PEA15: variants seen among roughly 807,000 people sequenced by gnomAD.
PEA15 encodes the protein proliferation and apoptosis adaptor protein 15.
For missense variants in PEA15, 77 were observed against 161.3 expected (o/e 0.48, Z 2.83); for synonymous variants, 60 against 61.8 (o/e 0.97, Z 0.13).
intron 2 of PEA15, 147 bp from the exon 3 acceptor site, chr1:160,212,963 G>T: frequency 1.4e-6 from 1 of 737,310 alleles, no homozygotes; most frequent in Non-Finnish European, 2.3e-6. Flanking sequence ...TTCTTCTCCT[G>T]GATTAGTAGC....
At position 160,213,127 on chromosome 1, in the gene PEA15, G is replaced by A; in HGVS notation, c.190G>A (p.Glu64Lys). 1 of 1,614,018 alleles carries A rather than the reference G, an allele frequency of 6.2e-7. No homozygotes were observed. The highest frequency in any genetic ancestry group is 8.5e-7 in the Non-Finnish European group (1 of 1,180,008). ...TCCTCCAGACAACCTCTCCTACATT[G>A]AGCACATCTTTGAGATCTCCCGCCG... The part of the protein sequence containing the change: ...KLDKDNLSYI[E>K]HIFEISRRPD... The change falls in exon 3 of 4, where the codon GAG becomes AAG. Residue 64 changes from glutamate (E) to lysine (K), a missense_variant. Physicochemically the swap from Glu to Lys is moderately conservative, Grantham distance 56. Coordinates refer to ENST00000360472, the MANE Select transcript of PEA15 (RefSeq NM_003768.5). The surrounding 1 kb of genome is among the most constrained non-coding windows in gnomAD (Gnocchi z 5.3).
In PEA15 at chr1:160,213,824, G is replaced by A. The variant is rs1047357563; in HGVS notation, c.*338G>A. 3.5e-6 allele frequency: 1 copy of A among 284,186 alleles called. No homozygotes were observed. Among genetic ancestry groups the A allele is most frequent in the African/African-American group, 2.2e-5 (1 of 46,320 alleles). The allele number at this position is 284,186 out of a possible 1,614,324, so 17.6% of individuals were successfully genotyped here. ...CCTCCACTCCCCCCATATCTTTAAAGTGTGGAAGCAGAAAGGACCTGCATT... is the reference window on the plus strand; with the variant it reads ...CCTCCACTCCCCCCATATCTTTAAAATGTGGAAGCAGAAAGGACCTGCATT... On this transcript the variant is annotated 3_prime_UTR_variant, in exon 4 of 4. Coordinates refer to ENST00000360472, the MANE Select transcript of PEA15 (RefSeq NM_003768.5). This position sits in a 1 kb window ranked among gnomAD's most constrained non-coding sequence, Gnocchi z 5.3.
In PEA15 at chr1:160,214,807, C is replaced by T. The variant is rs1655039836; in HGVS notation, c.*1321C>T. The T allele has an allele frequency of 6.6e-6, 1 of 152,564 alleles. No homozygotes were observed. Among genetic ancestry groups the T allele is most frequent in the African/African-American group, 2.4e-5 (1 of 41,426 alleles). 9.5% of individuals were successfully genotyped at this position (152,564 alleles called of 1,614,324 possible). Reference sequence around the variant, plus strand: ...TTAAATTCACATGCAGTCTCAGAGACTATTTAGACAAAGTTCAAGTTAGGA... The same window carrying T: ...TTAAATTCACATGCAGTCTCAGAGATTATTTAGACAAAGTTCAAGTTAGGA... On this transcript the variant is annotated 3_prime_UTR_variant, in exon 4 of 4. Transcript: ENST00000360472.
intron 1 of PEA15, chr1:160,211,182 G>A (rs1056062008): frequency 1.5e-5 from 8 of 547,824 alleles, no homozygotes; most frequent in Admixed American, 1.2e-4. Context: ...GATTCTGAGG[G>A]GGGACTTGGA....
At chr1:160,210,695 C>T (rs188435552) in intron 1 of PEA15, among the ~76,000 whole-genome samples, 80 of 152,334 alleles carry the variant, frequency 5.3e-4, no homozygotes, top group African/African-American at 1.9e-3. Context: ...AAAGCCGCAT[C>T]TAAAGTCCCC....
chr1:160,207,427 C>T (rs901132768), intron 1 of PEA15, among the ~76,000 whole-genome samples: 8 of 152,172 alleles, frequency 5.3e-5, no homozygotes, highest in Non-Finnish European at 8.8e-5. Context: ...GCCCCATTCC[C>T]CTCCTCGCCA....
intron 1 of PEA15, among the ~76,000 whole-genome samples, chr1:160,206,979 T>C (rs1402080582): frequency 1.3e-5 from 2 of 152,322 alleles, no homozygotes; most frequent in Non-Finnish European, 2.9e-5. Flanking sequence ...TGTATTATCA[T>C]GCATGAAGAG....
chr1:160,206,697 G>A (rs536026437), intron 1 of PEA15, among the ~76,000 whole-genome samples: 10 of 152,334 alleles, frequency 6.6e-5, no homozygotes, highest in South Asian at 4.1e-4. Flanking sequence ...GAACCAGGGA[G>A]AGGGAGGAAG....
Position 160,208,793 on chromosome 1 carries a change from T to A in PEA15, c.-2-2750T>A. 1 of 765,108 alleles carries A rather than the reference T, an allele frequency of 1.3e-6. No individual in the cohort carries two copies. The highest frequency in any genetic ancestry group is 2.7e-5 in the East Asian group (1 of 37,052). The allele number at this position is 765,108 out of a possible 1,614,324, so 47.4% of individuals were successfully genotyped here. A position where few individuals can be genotyped will look rare whatever the true frequency, so the allele number is the denominator to read the frequency against. On this transcript the variant is annotated intron_variant, in intron 1 of 3. Transcript: ENST00000360472. The surrounding 1 kb of genome is among the most constrained non-coding windows in gnomAD (Gnocchi z 4.1). ...AGGGAGGCAACTGGGCTGCCTTTCC[T>A]TGTACCGTCAGGGGGCCTTATTCCT...
At chr1:160,211,116 G>A (rs680083) in intron 1 of PEA15, among the ~76,000 whole-genome samples, 53,928 of 151,790 alleles carry the variant, frequency 0.36, 11,093 homozygotes, top group East Asian at 0.53. Flanking sequence ...GCCTCGCCCT[G>A]GTTGTTTTGG....
rs1654845923 is a variant in PEA15, at chr1:160,210,813, AG to A, written c.-2-729del. On this transcript the variant is annotated intron_variant, in intron 1 of 3. Transcript: ENST00000360472. ...GCACAGCACAAAGGGTAGGAGAGAG[AG>A]CTGAGTGGGGGCCTGGTAACCATCA... Among the ~76,000 whole-genome samples the A allele has an allele frequency of 2.0e-5, 3 of 152,250 alleles. No individual in the cohort carries two copies. In the South Asian group the frequency reaches 6.2e-4, roughly 32 times the overall value.
intron 1 of PEA15, among the ~76,000 whole-genome samples, chr1:160,210,026 T>C (rs1331593133): frequency 6.6e-6 from 1 of 152,238 alleles, no homozygotes; most frequent in Non-Finnish European, 1.5e-5. Context: ...GTAGCCCTCC[T>C]GTCTGGCTCA....
rs199734983 is a variant in PEA15 at position 160,206,708 on chromosome 1, TGAGA to T, written c.-3+1189_-3+1192del. On this transcript the variant is annotated intron_variant, in intron 1 of 3. Coordinates refer to ENST00000360472, the MANE Select transcript of PEA15 (RefSeq NM_003768.5). ...CAGGGAACCAGGGAGAGGGAGGAAG[TGAGA>T]GAAAGAGATGGTCAGAGAAGTGCAA... is the stretch of plus-strand genomic sequence containing the variant. Among the ~76,000 whole-genome samples, 6 of 151,386 alleles carry T rather than the reference TGAGA, an allele frequency of 4.0e-5. No homozygotes were observed. The East Asian group carries it at 1.2e-3, about 29-fold the overall frequency.
intron 1 of PEA15, among the ~76,000 whole-genome samples, chr1:160,207,814 C>A (rs1212444395): frequency 6.6e-6 from 1 of 152,116 alleles, no homozygotes; most frequent in African/African-American, 2.4e-5. Flanking sequence ...AAAGCTGGAC[C>A]CCTACTCTCT....
rs1655035628 is a variant in PEA15, at chr1:160,214,728, C to T, written c.*1242C>T. 6.6e-6 allele frequency: 1 copy of T among 152,572 alleles called. No individual in the cohort carries two copies. Among genetic ancestry groups the T allele is most frequent in the African/African-American group, 2.4e-5 (1 of 41,430 alleles). 9.5% of individuals were successfully genotyped at this position (152,572 alleles called of 1,614,324 possible). Reference sequence around the variant, plus strand: ...GGGAATGCCACAGTGAAGGGAGTGGCAGAATCAAATTGCTACATAGTCCAA... The same window carrying T: ...GGGAATGCCACAGTGAAGGGAGTGGTAGAATCAAATTGCTACATAGTCCAA... On this transcript the variant is annotated 3_prime_UTR_variant, in exon 4 of 4. Transcript: ENST00000360472.
At chr1:160,209,413 T>A (rs1296875485) in intron 1 of PEA15, among the ~76,000 whole-genome samples, 1 of 152,088 alleles carries the variant, frequency 6.6e-6, no homozygotes, top group African/African-American at 2.4e-5. Flanking sequence ...TGCCCCCAAG[T>A]CTTTGTGGGT....
At chr1:160,210,986 G>A (rs74123302) in intron 1 of PEA15, among the ~76,000 whole-genome samples, 2,077 of 152,306 alleles carry the variant, frequency 0.014, 55 homozygotes, top group African/African-American at 0.046. Flanking sequence ...AGTCATTAGT[G>A]GGGTGGTGGG....
intron 1 of PEA15, among the ~76,000 whole-genome samples, chr1:160,210,865 T>G (rs1654849794): frequency 6.6e-6 from 1 of 151,776 alleles, no homozygotes; most frequent in Non-Finnish European, 1.5e-5. Flanking sequence ...TCCACAAAGG[T>G]GGGGGTGGTC....
At chr1:160,211,308 G>T in intron 1 of PEA15, 1 of 1,206,340 alleles carries the variant, frequency 8.3e-7, no homozygotes, top group African/African-American at 1.6e-5. Flanking sequence ...ATGGTGGGGG[G>T]AAGGAGGTAT....
Sources: allele counts gnomAD v4.1 joint callset (sites outside exome capture counted in the v4.1 genomes callset), GRCh38; gene constraint gnomAD v4.1.1; non-coding constraint Gnocchi (gnomAD v3.1); transcripts MANE v1.5; gene names NCBI Gene and HGNC (gene_info 2026-07-23, HGNC 2026-07-21).